The following SYT2 variants were observed in gnomAD, a reference collection of about 807,000 sequenced individuals.
SYT2 encodes the protein synaptotagmin-2.
A neutral mutation model predicts 39.9 loss-of-function variants in SYT2; 15 were observed. That is an observed-to-expected ratio of 0.38 (90% CI 0.25 to 0.58). The LOEUF is 0.58. Ranked by LOEUF, SYT2 falls within the 20% of genes least tolerant of loss-of-function variation. SYT2 has a pLI of 0.70. For missense variants in SYT2, 389 were observed against 530.3 expected, an observed-to-expected ratio of 0.73 and a Z score of 2.62; for synonymous variants, 181 against 204.5, an observed-to-expected ratio of 0.89 and a Z score of 0.98.
intron 1 of SYT2, among the ~76,000 whole-genome samples, chr1:202,634,664 G>A (rs536266348): frequency 7.2e-5 from 11 of 152,026 alleles, no homozygotes; most frequent in East Asian, 1.9e-4. Context: ...GAAATAAAAC[G>A]CAGTATATCT....
intron 1 of SYT2, among the ~76,000 whole-genome samples, chr1:202,606,574 A>G (rs1311370868): frequency 1.3e-5 from 2 of 151,960 alleles, no homozygotes; most frequent in African/African-American, 4.8e-5. Context: ...GTGCCCACTC[A>G]GGGTTTGTTT....
chr1:202,606,184 C>A (rs1228744689), intron 1 of SYT2, among the ~76,000 whole-genome samples: 1 of 152,102 alleles, frequency 6.6e-6, no homozygotes, highest in East Asian at 1.9e-4. Flanking sequence ...CAAAAAATAA[C>A]CTAATGGTTT....
At chr1:202,659,915 G>A (rs946695807) in intron 1 of SYT2, among the ~76,000 whole-genome samples, 3 of 152,132 alleles carry the variant, frequency 2.0e-5, no homozygotes, top group Admixed American at 6.5e-5. Flanking sequence ...CTGCAGGACC[G>A]CTCCTCCCTG....
intron 1 of SYT2, among the ~76,000 whole-genome samples, chr1:202,661,213 C>T (rs950688675): frequency 2.0e-5 from 3 of 152,014 alleles, no homozygotes; most frequent in Admixed American, 2.0e-4. Context: ...CAGAAAAGGG[C>T]CGTGGAAGAG....
intron 1 of SYT2, among the ~76,000 whole-genome samples, chr1:202,669,095 C>A (rs928082278): frequency 6.6e-6 from 1 of 152,232 alleles, no homozygotes; most frequent in Non-Finnish European, 1.5e-5. Context: ...ATGAAAATAT[C>A]AGTGAGGCTA....
chr1:202,615,610 G>A (rs1382148308), intron 1 of SYT2, among the ~76,000 whole-genome samples: 2 of 152,118 alleles, frequency 1.3e-5, no homozygotes, highest in East Asian at 3.9e-4. Context: ...GTGGCTTCTT[G>A]TCACATTTAG....
intron 1 of SYT2, among the ~76,000 whole-genome samples, chr1:202,619,877 C>T (rs1430311232): frequency 6.6e-6 from 1 of 152,200 alleles, no homozygotes; most frequent in African/African-American, 2.4e-5. Context: ...TCTCATCTAA[C>T]CCACCTGGGA....
chr1:202,627,480 C>T, intron 1 of SYT2: 1 of 985,426 alleles, frequency 1.0e-6, no homozygotes, highest in Non-Finnish European at 1.2e-6. Flanking sequence ...CAGACCGTGA[C>T]ACCCAGGGCC....
Position 202,601,628 on chromosome 1 carries a change from G to A in SYT2, c.801+262C>T, listed in dbSNP as rs915657713. 1.3e-5 allele frequency among the ~76,000 whole-genome samples: 2 copies of A among 152,218 alleles called. No individual in the cohort carries two copies. Among genetic ancestry groups the A allele is most frequent in the African/African-American group, 2.4e-5 (1 of 41,446 alleles). ...AATAATGGTGTTTTTATTTATTTGA[G>A]TACCTACCAAATACCAGTCGCTGCG... is the stretch of plus-strand genomic sequence containing the variant. On this transcript the variant is annotated intron_variant, in intron 6 of 8. Transcript: ENST00000367268. The surrounding 1 kb of genome is among the most constrained non-coding windows in gnomAD (Gnocchi z 4.0).
rs537338663 is a variant in SYT2, at chr1:202,604,745, T to C, written c.179-124A>G. The C allele has an allele frequency of 2.4e-4, 207 of 879,662 alleles. No individual in the cohort carries two copies. The East Asian group carries it at 5.4e-3, about 23-fold the overall frequency. 54.5% of individuals were successfully genotyped at this position (879,662 alleles called of 1,614,324 possible). A position where few individuals can be genotyped will look rare whatever the true frequency, so the allele number is the denominator to read the frequency against. ...CCCACAATGCCCACACCCCACATTT[T>C]AAAAGCCACACACCCATGAGTGATT... On this transcript the variant is annotated intron_variant, in intron 2 of 8. Coordinates refer to ENST00000367268, the MANE Select transcript of SYT2 (RefSeq NM_177402.5).
At chr1:202,607,673 G>C (rs1008552240) in intron 1 of SYT2, among the ~76,000 whole-genome samples, 1 of 152,106 alleles carries the variant, frequency 6.6e-6, no homozygotes, top group Non-Finnish European at 1.5e-5. Context: ...AACTCTTACT[G>C]TCTGCCATGT....
rs145356242 is a variant in SYT2, at chr1:202,607,100, G to A, written c.-17-1311C>T. 1.7e-3 allele frequency among the ~76,000 whole-genome samples: 259 copies of A among 152,120 alleles called. 5 individuals are homozygous for A. In the East Asian group the frequency reaches 0.047, roughly 28 times the overall value. ...TCTTCATTTAAGGCAATGTTCTTAC[G>A]AGCTTCCAAACTCTGCCCCCCATAA... On this transcript the variant is annotated intron_variant, in intron 1 of 8. Transcript: ENST00000367268.
intron 1 of SYT2, among the ~76,000 whole-genome samples, chr1:202,667,466 CGTGTGTGTGTGTGTGTGTGTGTGTGTGT>C (rs35072265): frequency 2.8e-5 from 4 of 140,744 alleles, no homozygotes; most frequent in Admixed American, 1.4e-4. Context: ...AGTGACCAGC[CGTGTGTGTGTGTGTGTGTGTGTGTGTGT>C]GTGTGTGTGT....
intron 1 of SYT2, among the ~76,000 whole-genome samples, chr1:202,607,245 C>T (rs1690738646): frequency 6.6e-6 from 1 of 152,162 alleles, no homozygotes; most frequent in South Asian, 2.1e-4. Flanking sequence ...AAGCACACAG[C>T]GGGCACTCTG....
chr1:202,602,602 A>G, intron 4 of SYT2, 57 bp from the exon 5 acceptor site: 3 of 1,537,852 alleles, frequency 2.0e-6, no homozygotes, highest in Non-Finnish European at 2.6e-6. Flanking sequence ...CAATACCACA[A>G]CTGGCCCCAG....
At chr1:202,699,979 C>T (rs138338933) in intron 1 of SYT2, among the ~76,000 whole-genome samples, 6 of 152,236 alleles carry the variant, frequency 3.9e-5, no homozygotes, top group African/African-American at 1.4e-4. Flanking sequence ...GCCTCAAACC[C>T]CTTCCTTTAA....
intron 1 of SYT2, among the ~76,000 whole-genome samples, chr1:202,659,704 G>C (rs1692343863): frequency 6.6e-6 from 1 of 152,136 alleles, no homozygotes; most frequent in South Asian, 2.1e-4. Flanking sequence ...AGCCCCATCT[G>C]CCCTTCTCCT....
rs1654250209 is a variant in SYT2 at position 202,706,356 on chromosome 1, A to C, written c.-18+3902T>G. Among the ~76,000 whole-genome samples, 3 of 152,096 alleles carry C rather than the reference A, an allele frequency of 2.0e-5. No individual in the cohort carries two copies. The South Asian group carries it at 6.3e-4, about 32-fold the overall frequency. On this transcript the variant is annotated intron_variant, in intron 1 of 8. Transcript: ENST00000367268. ...GGACAGTGCTCCCTGCAGCTGGAGA[A>C]CCCAAGACAGTGTTGTGTGTGTGGG...
chr1:202,662,577 G>T (rs951632983), intron 1 of SYT2, among the ~76,000 whole-genome samples: 3 of 152,196 alleles, frequency 2.0e-5, no homozygotes, highest in Admixed American at 6.5e-5. Flanking sequence ...GATGGAGCGG[G>T]GTGGGTGGAA....
Sources: gnomAD v4.1 joint callset for allele counts (sites outside exome capture counted in the v4.1 genomes callset) on GRCh38, gnomAD v4.1.1 for gene constraint, Gnocchi (gnomAD v3.1) non-coding constraint, MANE v1.5 for transcripts, NCBI Gene and HGNC (gene_info 2026-07-23, HGNC 2026-07-21) for gene names.